ARHGEF28: variants seen among roughly 807,000 people sequenced by gnomAD.
The protein encoded by ARHGEF28 is 190 kDa guanine nucleotide exchange factor.
In ARHGEF28, 152 loss-of-function variants were observed where a neutral mutation model predicts 206.6. The observed-to-expected ratio is 0.74, with a 90% CI of 0.64 to 0.84. The LOEUF is 0.84. Ranked by LOEUF, ARHGEF28 falls within the 40% of genes least tolerant of loss-of-function variation. The probability of loss-of-function intolerance (pLI) is 0.00; values close to 1 mark genes in which losing one functional copy is unlikely to be tolerated. For missense variants in ARHGEF28, 2,028 were observed against 2,073.2 expected, an observed-to-expected ratio of 0.98 and a Z score of 0.42; for synonymous variants, 763 against 776.4, an observed-to-expected ratio of 0.98 and a Z score of 0.29.
rs369676319 is a variant in ARHGEF28 at position 73,915,557 on chromosome 5, TAAAC to T, written c.4948+3985_4948+3988del. Among the ~76,000 whole-genome samples, 270 of 152,316 alleles carry T rather than the reference TAAAC, an allele frequency of 1.8e-3. 2 individuals are homozygous for T. Among genetic ancestry groups the T allele is most frequent in the African/African-American group, 5.8e-3 (240 of 41,578 alleles). ...AGACTACAGAATATTTGAATTTCCT[TAAAC>T]AATAGTCTCTGTGGGACAATTGCTA... is the stretch of plus-strand genomic sequence containing the variant. On this transcript the variant is annotated intron_variant, in intron 35 of 35. Coordinates refer to ENST00000513042, the MANE Select transcript of ARHGEF28 (RefSeq NM_001177693.2).
intron 1 of ARHGEF28, among the ~76,000 whole-genome samples, chr5:73,633,408 G>T (rs1349902529): frequency 6.6e-6 from 1 of 152,052 alleles, no homozygotes; most frequent in East Asian, 1.9e-4. Context: ...GAGACTCATG[G>T]CCTGCTGCTT....
chr5:73,852,639 G>A lies in ARHGEF28; in HGVS notation c.1748-11G>A. The A allele has an allele frequency of 6.2e-7, 1 of 1,613,174 alleles. No individual in the cohort carries two copies. The highest frequency in any genetic ancestry group is 8.5e-7 in the Non-Finnish European group (1 of 1,179,446). On this transcript the variant is annotated splice_polypyrimidine_tract_variant and intron_variant, in intron 13 of 35. Transcript: ENST00000513042. The stretch of plus-strand genomic sequence containing the variant: ...GCCTTAGTTTTCATTTTATTGTTCT[G>A]TGTCTTGTAGAGCAAAGAGCTTACA...
At chr5:73,729,705 A>G (rs373509451) in intron 2 of ARHGEF28, among the ~76,000 whole-genome samples, 2 of 152,114 alleles carry the variant, frequency 1.3e-5, no homozygotes, top group African/African-American at 2.4e-5. Context: ...AGGCAGATAC[A>G]TATCTTTCCT....
rs374910439 is a variant in ARHGEF28, at chr5:73,885,845, C to T, written c.3056-5C>T. ...TTTGTTTGTTTGTTTCTTTTTCCCA[C>T]GCAGAAAGAACTGAGGAACATAAAG... On this transcript the variant is annotated splice_region_variant and splice_polypyrimidine_tract_variant and intron_variant, in intron 24 of 35. Transcript: ENST00000513042. The T allele has an allele frequency of 7.8e-5, 125 of 1,594,600 alleles. No individual in the cohort carries two copies. In the African/African-American group the frequency reaches 1.1e-3, roughly 14 times the overall value.
chr5:73,911,883 A>G (rs113272982), intron 35 of ARHGEF28, among the ~76,000 whole-genome samples: 5 of 152,158 alleles, frequency 3.3e-5, no homozygotes, highest in Admixed American at 6.5e-5. Flanking sequence ...AAGCAACTTG[A>G]TATTTACTCC....
chr5:73,685,911 A>G (rs1158957351), intron 2 of ARHGEF28, among the ~76,000 whole-genome samples: 2 of 152,140 alleles, frequency 1.3e-5, no homozygotes, highest in Non-Finnish European at 2.9e-5. Context: ...ATGAGCCACC[A>G]CACCCGGCTG....
At chr5:73,780,475 C>T (rs890588762) in intron 6 of ARHGEF28, 1 of 568,886 alleles carries the variant, frequency 1.8e-6, no homozygotes, top group African/African-American at 1.9e-5. Context: ...TTGGCCCCTG[C>T]CTTGGAGTTT....
At chr5:73,771,238 A>T (rs942583384) in intron 4 of ARHGEF28, among the ~76,000 whole-genome samples, 15 of 152,276 alleles carry the variant, frequency 9.9e-5, no homozygotes, top group Non-Finnish European at 4.4e-5. Flanking sequence ...AGATTAGGAG[A>T]TATGTCTTAG....
At chr5:73,779,915 C>T (rs1176664310) in intron 6 of ARHGEF28, among the ~76,000 whole-genome samples, 1 of 152,114 alleles carries the variant, frequency 6.6e-6, no homozygotes, top group Non-Finnish European at 1.5e-5. Context: ...AATGAAGCAC[C>T]CAATCCACGG....
intron 35 of ARHGEF28, among the ~76,000 whole-genome samples, chr5:73,923,748 G>GT (rs1398049600): frequency 1.3e-5 from 2 of 152,122 alleles, no homozygotes; most frequent in African/African-American, 4.8e-5. Flanking sequence ...ACTATTTTCA[G>GT]TTTCTTTAGA....
chr5:73,866,563 C>T (rs1312201979), intron 18 of ARHGEF28, among the ~76,000 whole-genome samples: 1 of 152,114 alleles, frequency 6.6e-6, no homozygotes, highest in Non-Finnish European at 1.5e-5. Flanking sequence ...GTGCTTGAGG[C>T]TGTGATCTCA....
At chr5:73,751,856 G>A (rs1427102399) in intron 3 of ARHGEF28, among the ~76,000 whole-genome samples, 1 of 152,066 alleles carries the variant, frequency 6.6e-6, no homozygotes, top group Non-Finnish European at 1.5e-5. Flanking sequence ...TATTTCCTGG[G>A]TATGTGTAGT....
chr5:73,758,712 C>T (rs7727441), intron 4 of ARHGEF28, among the ~76,000 whole-genome samples: 6,648 of 152,104 alleles, frequency 0.044, 498 homozygotes, highest in African/African-American at 0.15. Context: ...TGTGCTACCA[C>T]GCCTGGCTTA....
chr5:73,795,345 G>A lies in ARHGEF28; in HGVS notation c.978G>A (p.Leu326=). ...EKEDIKRVKS[L]VVQHNEHEDQ... is the part of the protein sequence containing the mutation. ...ATCTCTTCCAGCGTGTCAAAAGCCT[G>A]GTGGTTCAACACAATGAACATGAAG... Residue 326 remains leucine (L), a synonymous_variant, in exon 9 of 36, where the codon CTG becomes CTA. Transcript: ENST00000513042. 1 of 1,613,718 alleles carries A rather than the reference G, an allele frequency of 6.2e-7. No homozygotes were observed. Among genetic ancestry groups the A allele is most frequent in the Non-Finnish European group, 8.5e-7 (1 of 1,179,772 alleles).
At chr5:73,937,047 G>C (rs1192480883) in intron 35 of ARHGEF28, among the ~76,000 whole-genome samples, 1 of 152,214 alleles carries the variant, frequency 6.6e-6, no homozygotes, top group Non-Finnish European at 1.5e-5. Context: ...ACAGAGAAAA[G>C]TGTGAAAAAT....
At chr5:73,863,241 A>G (rs1483349809) in intron 16 of ARHGEF28, 2 of 152,142 alleles carry the variant, frequency 1.3e-5, no homozygotes, top group African/African-American at 4.8e-5. Context: ...TTTCTTAGGA[A>G]ACAGTGAGAA....
chr5:73,663,832 C>T (rs1247660340), intron 1 of ARHGEF28, among the ~76,000 whole-genome samples: 5 of 152,174 alleles, frequency 3.3e-5, no homozygotes, highest in African/African-American at 1.2e-4. Flanking sequence ...CTGACTTTCA[C>T]AAGTCTGTTT....
At chr5:73,760,301 AGT>A (rs1271278225) in intron 4 of ARHGEF28, among the ~76,000 whole-genome samples, 1 of 135,162 alleles carries the variant, frequency 7.4e-6, no homozygotes, top group African/African-American at 3.1e-5. Context: ...ACAAGTTTCC[AGT>A]GTTTTTTTTT....
intron 1 of ARHGEF28, among the ~76,000 whole-genome samples, chr5:73,660,617 A>C (rs1349994968): frequency 6.6e-6 from 1 of 152,240 alleles, no homozygotes; most frequent in African/African-American, 2.4e-5. Flanking sequence ...TTAAATAATA[A>C]GACTTGAAAG....
Sources: allele counts gnomAD v4.1 joint callset (sites outside exome capture counted in the v4.1 genomes callset), GRCh38; gene constraint gnomAD v4.1.1; transcripts MANE v1.5; gene names NCBI Gene and HGNC (gene_info 2026-07-23, HGNC 2026-07-21).